The following CHD3 variants were observed in gnomAD, a reference collection of about 807,000 sequenced individuals.
CHD3 encodes ATP-dependent chromatin remodeler CHD3.
CHD3 carries 52 observed loss-of-function variants against 248.9 expected under a neutral mutation model. The ratio of observed to expected loss-of-function variants is 0.21; its 90% CI spans 0.17 to 0.26. The LOEUF is 0.26. CHD3 is among the 10% of genes least tolerant of loss of function. The pLI is 1.00. For synonymous variants in CHD3, 985 were observed against 985.2 expected (o/e 1.00, Z 0.00); for missense variants, 1,482 against 2,605.8 (o/e 0.57, Z 9.39).
At chr17:7,885,636 C>T (rs1474192211), upstream of CHD3, among the ~76,000 whole-genome samples, 2 of 151,930 alleles carry the variant, frequency 1.3e-5, no homozygotes, top group Non-Finnish European at 2.9e-5. Context: ...AGTGGGGTTT[C>T]CCCGCACGGA....
In CHD3 at chr17:7,893,432, C is replaced by T; in HGVS notation, c.656C>T (p.Ala219Val). The change falls in exon 5 of 40, where the codon GCT (alanine) becomes GTT (valine). Residue 219 changes from alanine to valine, a missense_variant. By Grantham distance (64) the Ala-to-Val change is moderately conservative. Coordinates refer to ENST00000330494, the MANE Select transcript of CHD3 (RefSeq NM_001005273.3). ...VAAAAAAAAA[A>V]VAEQVSAAVS... ...GCGGCAGCGGCAGCAGCAGCAGCAG[C>T]TGTAGCTGAGCAGGTGTCAGCTGCT... 1 of 1,612,114 alleles carries T rather than the reference C, an allele frequency of 6.2e-7. No individual in the cohort carries two copies. The highest frequency in any genetic ancestry group is 8.5e-7 in the Non-Finnish European group (1 of 1,179,064).
In CHD3 at chr17:7,889,309, C is replaced by G. The variant is rs553265544; in HGVS notation, c.100+209C>G. Among the ~76,000 whole-genome samples, 1 of 152,234 alleles carries G rather than the reference C, an allele frequency of 6.6e-6. No homozygotes were observed. Among genetic ancestry groups the G allele is most frequent in the Non-Finnish European group, 1.5e-5 (1 of 68,042 alleles). ...GGGCATGGCTTCCCCAGTTCCTGGG[C>G]AGGATGCCAGCTGGCGAAGTGAGGG... On this transcript the variant is annotated intron_variant, in intron 1 of 39. Coordinates refer to ENST00000330494, the MANE Select transcript of CHD3 (RefSeq NM_001005273.3). This position sits in a 1 kb window ranked among gnomAD's most constrained non-coding sequence, Gnocchi z 4.5.
chr17:7,891,000 C>T lies in CHD3; in HGVS notation c.445C>T (p.His149Tyr), dbSNP rs1323386037. Residue 149 changes from histidine to tyrosine, a missense_variant, in exon 4 of 40, where the codon CAT becomes TAT. By Grantham distance (83) the His-to-Tyr change is moderately conservative. Transcript: ENST00000330494. ...LLTWGLEDVE[H>Y]VFSEEDYHTL... ...GACCTGGGGCCTGGAGGATGTGGAG[C>T]ATGTGTTCTCTGAGGAGGATTACCA... The T allele has an allele frequency of 1.2e-6, 2 of 1,613,866 alleles. No homozygotes were observed. Among genetic ancestry groups the T allele is most frequent in the East Asian group, 4.5e-5 (2 of 44,870 alleles).
Position 7,909,566 on chromosome 17 carries a change from A to G in CHD3, c.5590+228A>G, listed in dbSNP as rs1024643928. 14 of 615,158 alleles carry G rather than the reference A, an allele frequency of 2.3e-5. No individual in the cohort carries two copies. The highest frequency in any genetic ancestry group is 6.0e-5 in the East Asian group (2 of 33,112). The allele number at this position is 615,158 out of a possible 1,614,324, so 38.1% of individuals were successfully genotyped here. A position where few individuals can be genotyped will look rare whatever the true frequency, so the allele number is the denominator to read the frequency against. On this transcript the variant is annotated intron_variant, in intron 37 of 39. Transcript: ENST00000330494. The surrounding 1 kb of genome is among the most constrained non-coding windows in gnomAD (Gnocchi z 8.1). ...CTGATAGCATTCACATCCGTGCCCA[A>G]TAGAGGGACCTGCCCCAGCCTCTGT... is the stretch of plus-strand genomic sequence containing the variant.
chr17:7,896,779 C>G (rs957288271), intron 10 of CHD3, among the ~76,000 whole-genome samples: 2 of 152,100 alleles, frequency 1.3e-5, no homozygotes, highest in African/African-American at 4.8e-5. Flanking sequence ...CTGCCTCAGC[C>G]TCCTGAGTAT....
In CHD3 at chr17:7,899,696, G is replaced by A. The variant is rs933940233; in HGVS notation, c.2544+153G>A. On this transcript the variant is annotated intron_variant, in intron 15 of 39. Coordinates refer to ENST00000330494, the MANE Select transcript of CHD3 (RefSeq NM_001005273.3). The surrounding 1 kb of genome is among the most constrained non-coding windows in gnomAD (Gnocchi z 6.8). ...GCACTACCATCCTAGAGATATGGCA[G>A]GTACTCCCAGGGGCATACATGGATC... is the stretch of plus-strand genomic sequence containing the variant. Among the ~76,000 whole-genome samples the A allele has an allele frequency of 3.3e-5, 5 of 152,212 alleles. No individual in the cohort carries two copies. The highest frequency in any genetic ancestry group is 7.2e-5 in the African/African-American group (3 of 41,532).
At position 7,895,211 on chromosome 17, in the gene CHD3, G is replaced by A; in HGVS notation, c.1503+61G>A. On this transcript the variant is annotated intron_variant, in intron 9 of 39. Transcript: ENST00000330494. The surrounding 1 kb of genome is among the most constrained non-coding windows in gnomAD (Gnocchi z 4.9). Reference sequence around the variant, plus strand: ...AGGCCTGATCCCTTCCCCCATCCCTGGGGCCCACATGTCCAGCTTTTCATT... The same window carrying A: ...AGGCCTGATCCCTTCCCCCATCCCTAGGGCCCACATGTCCAGCTTTTCATT... 2 of 1,588,812 alleles carry A rather than the reference G, an allele frequency of 1.3e-6. No homozygotes were observed. Among genetic ancestry groups the A allele is most frequent in the Non-Finnish European group, 8.6e-7 (1 of 1,164,670 alleles).
chr17:7,900,783 G>C lies in CHD3; in HGVS notation c.2978+52G>C, dbSNP rs753088868. On this transcript the variant is annotated intron_variant, in intron 18 of 39. Coordinates refer to ENST00000330494, the MANE Select transcript of CHD3 (RefSeq NM_001005273.3). This position sits in a 1 kb window ranked among gnomAD's most constrained non-coding sequence, Gnocchi z 6.5. ...GTAGGGCTTGGGGATTGATGGGAGCGTTCCAAGTGCAATATCATAATTGCT... is the reference window on the plus strand; with the variant it reads ...GTAGGGCTTGGGGATTGATGGGAGCCTTCCAAGTGCAATATCATAATTGCT... 1.3e-5 allele frequency: 21 copies of C among 1,609,816 alleles called. No individual in the cohort carries two copies. The South Asian group carries it at 1.8e-4, about 13-fold the overall frequency.
In CHD3 at chr17:7,907,335, C is replaced by T. The variant is rs754211502; in HGVS notation, c.4789-18C>T. On this transcript the variant is annotated intron_variant, in intron 31 of 39. Coordinates refer to ENST00000330494, the MANE Select transcript of CHD3 (RefSeq NM_001005273.3). The surrounding 1 kb of genome is among the most constrained non-coding windows in gnomAD (Gnocchi z 4.3). The stretch of plus-strand genomic sequence containing the variant: ...TGGGAGCCCTCTGGCTCATCCTGAC[C>T]CCATTGTCCTCTTCCAGGCTGATGC... 8.7e-6 allele frequency: 14 copies of T among 1,608,682 alleles called. No homozygotes were observed. The highest frequency in any genetic ancestry group is 3.3e-4 in the Middle Eastern group (2 of 6,022).
Position 7,899,450 on chromosome 17 carries a change from G to A in CHD3, c.2451G>A (p.Thr817=). The A allele has an allele frequency of 6.2e-7, 1 of 1,614,126 alleles. No individual in the cohort carries two copies. The highest frequency in any genetic ancestry group is 8.5e-7 in the Non-Finnish European group (1 of 1,180,018). The part of the protein sequence containing the change: ...WAPKFYVVTY[T]GDKDSRAIIR... ...CCAAATTCTATGTGGTGACATACACGGGTGACAAGGACAGCCGGGCCATCA... is the reference window on the plus strand; with the variant it reads ...CCAAATTCTATGTGGTGACATACACAGGTGACAAGGACAGCCGGGCCATCA... Residue 817 remains threonine, a synonymous_variant, in exon 15 of 40, where the codon ACG becomes ACA. Coordinates refer to ENST00000330494, the MANE Select transcript of CHD3 (RefSeq NM_001005273.3). The surrounding 1 kb of genome is among the most constrained non-coding windows in gnomAD (Gnocchi z 6.8).
Position 7,897,042 on chromosome 17 carries a change from T to C in CHD3, c.1708-41T>C, listed in dbSNP as rs766256801. 2 of 1,536,296 alleles carry C rather than the reference T, an allele frequency of 1.3e-6. No individual in the cohort carries two copies. The highest frequency in any genetic ancestry group is 1.7e-5 in the Admixed American group (1 of 59,780). ...CCGGTTCCTTGTTGTCCTCTGTGAGTGTCAGGACTATCTCTTTCCCTTTTT... is the reference window on the plus strand; with the variant it reads ...CCGGTTCCTTGTTGTCCTCTGTGAGCGTCAGGACTATCTCTTTCCCTTTTT... On this transcript the variant is annotated intron_variant, in intron 10 of 39. Transcript: ENST00000330494. The surrounding 1 kb of genome is among the most constrained non-coding windows in gnomAD (Gnocchi z 4.8).
Position 7,898,587 on chromosome 17 carries a change from A to G in CHD3, c.2143A>G (p.Thr715Ala). The change falls in exon 13 of 40, where the codon ACT becomes GCT. Residue 715 changes from threonine (T) to alanine (A), a missense_variant. Around this residue, in one of 20 missense-constraint regions of CHD3, gnomAD observed 127 missense variants for 188.3 expected, o/e 0.67. Transcript: ENST00000330494. ...LQGDGPPSSPTNDPTVKYETQ... is the reference protein window; with the variant it reads ...LQGDGPPSSPANDPTVKYETQ... The stretch of plus-strand genomic sequence containing the variant: ...GGGTGATGGGCCTCCCAGTTCTCCC[A>G]CTAATGATGTGAGTCCTCTCAGTTG... The G allele has an allele frequency of 6.2e-7, 1 of 1,611,704 alleles. No homozygotes were observed. The highest frequency in any genetic ancestry group is 8.5e-7 in the Non-Finnish European group (1 of 1,178,338).
In CHD3 at chr17:7,890,632, G is replaced by A. The variant is rs569669003; in HGVS notation, c.275G>A (p.Gly92Asp). The A allele has an allele frequency of 4.3e-6, 7 of 1,610,672 alleles. No homozygotes were observed. The Admixed American group carries it at 6.8e-5, about 16-fold the overall frequency. Residue 92 changes from glycine to aspartate, a missense_variant, in exon 3 of 40, where the codon GGC (glycine) becomes GAC (aspartate). By Grantham distance (94) the Gly-to-Asp change is moderately conservative (BLOSUM62 -1). This residue lies in a region of CHD3 where 169 missense variants were observed against 168.1 expected (regional missense o/e 1.01). Transcript: ENST00000330494. The part of the protein sequence containing the change: ...DEYREKSESG[G>D]SEYGTGPGRK... ...TACCGGGAGAAGTCAGAGAGTGGGG[G>A]CAGTGAATATGGAACCGGACCGGGT...
chr17:7,906,037 T>C lies in CHD3; in HGVS notation c.4358+48T>C, dbSNP rs754416486. The C allele has an allele frequency of 1.2e-5, 20 of 1,610,268 alleles. No homozygotes were observed. The South Asian group carries it at 2.2e-4, about 18-fold the overall frequency. ...TGAGTTGGACGCAAGGGGAAGAGCTTTGGGTGTTCCTTTCTTCCTTGGGGC... is the reference window on the plus strand; with the variant it reads ...TGAGTTGGACGCAAGGGGAAGAGCTCTGGGTGTTCCTTTCTTCCTTGGGGC... On this transcript the variant is annotated intron_variant, in intron 28 of 39. Transcript: ENST00000330494. The surrounding 1 kb of genome is among the most constrained non-coding windows in gnomAD (Gnocchi z 5.0).
rs1971016397 is a variant in CHD3 at position 7,906,811 on chromosome 17, G to A, written c.4504-58G>A. On this transcript the variant is annotated intron_variant, in intron 29 of 39. Coordinates refer to ENST00000330494, the MANE Select transcript of CHD3 (RefSeq NM_001005273.3). The surrounding 1 kb of genome is among the most constrained non-coding windows in gnomAD (Gnocchi z 5.0). ...CTGGTGTGAGACGGAGGAGACTGGA[G>A]CTTCCTGTCTGTAAGCGCCTGGAGC... The A allele has an allele frequency of 2.5e-6, 4 of 1,603,780 alleles. No homozygotes were observed. The highest frequency in any genetic ancestry group is 3.4e-6 in the Non-Finnish European group (4 of 1,173,340).
chr17:7,891,427 T>C (rs1968842404), intron 4 of CHD3, among the ~76,000 whole-genome samples: 2 of 152,218 alleles, frequency 1.3e-5, no homozygotes, highest in Non-Finnish European at 2.9e-5. Flanking sequence ...ATACCATCAG[T>C]GTTCCTGAAC....
chr17:7,890,658 C>T lies in CHD3; in HGVS notation c.301C>T (p.Arg101Trp), dbSNP rs1968713275. 4.4e-6 allele frequency: 7 copies of T among 1,595,640 alleles called. No individual in the cohort carries two copies. Among genetic ancestry groups the T allele is most frequent in the South Asian group, 1.1e-5 (1 of 89,468 alleles). ...GGSEYGTGPG[R>W]KRRRKHREKK... is the part of the protein sequence containing the mutation. ...CAGTGAATATGGAACCGGACCGGGT[C>T]GGAAACGAAGAAGGAAGCACCGAGA... The change falls in exon 3 of 40, where the codon CGG becomes TGG. Residue 101 changes from arginine (R) to tryptophan (W), a missense_variant. Physicochemically the swap from Arg to Trp is moderately radical, Grantham distance 101. Coordinates refer to ENST00000330494, the MANE Select transcript of CHD3 (RefSeq NM_001005273.3).
intron 4 of CHD3, among the ~76,000 whole-genome samples, chr17:7,892,697 A>G (rs887271986): frequency 6.6e-6 from 1 of 152,064 alleles, no homozygotes; most frequent in Non-Finnish European, 1.5e-5. Context: ...GGGTTTCGCC[A>G]TGTTGGCCAG....
rs545001010 is a variant in CHD3, at chr17:7,903,815, C to T, written c.3728-10C>T. 8.1e-6 allele frequency: 13 copies of T among 1,612,904 alleles called. No homozygotes were observed. Among genetic ancestry groups the T allele is most frequent in the South Asian group, 4.4e-5 (4 of 91,050 alleles). The stretch of plus-strand genomic sequence containing the variant: ...AACCCAAAGTTCCCGTTTGTTTTCC[C>T]TCTCACCAGGGGAGAACAAGGAGGA... On this transcript the variant is annotated splice_polypyrimidine_tract_variant and intron_variant, in intron 23 of 39. Transcript: ENST00000330494. The surrounding 1 kb of genome is among the most constrained non-coding windows in gnomAD (Gnocchi z 6.8).
Sources: allele counts gnomAD v4.1 joint callset (sites outside exome capture counted in the v4.1 genomes callset), GRCh38; gene constraint gnomAD v4.1.1; regional missense constraint gnomAD v4.1.1; non-coding constraint Gnocchi (gnomAD v3.1); transcripts MANE v1.5; gene names NCBI Gene and HGNC (gene_info 2026-07-23, HGNC 2026-07-21).